CNTN3: variants seen among roughly 807,000 people sequenced by gnomAD.
CNTN3 encodes contactin-3.
A neutral mutation model predicts 119.1 loss-of-function variants in CNTN3; 60 were observed. The observed-to-expected ratio is 0.50, with a 90% CI of 0.41 to 0.62. The LOEUF is 0.62. Among genes scored for constraint, CNTN3 ranks in the 20% least tolerant of loss-of-function variants. CNTN3 has a pLI of 0.00. For missense variants in CNTN3, 1,101 were observed against 1,242.4 expected (o/e 0.89, Z 1.71); for synonymous variants, 450 against 438.7 (o/e 1.03, Z -0.32).
chr3:74,370,891 T>C (rs1019528221), intron 6 of CNTN3, among the ~76,000 whole-genome samples: 2 of 152,032 alleles, frequency 1.3e-5, no homozygotes, highest in Non-Finnish European at 2.9e-5. Flanking sequence ...CTCAGAAGGG[T>C]CTCATGCTTG....
At chr3:74,518,141 T>C (rs925917691) in intron 2 of CNTN3, among the ~76,000 whole-genome samples, 1 of 151,960 alleles carries the variant, frequency 6.6e-6, no homozygotes. Flanking sequence ...TTGCAATATA[T>C]TTTTTAAGTT....
intron 4 of CNTN3, among the ~76,000 whole-genome samples, chr3:74,461,138 T>A (rs1702360089): frequency 6.6e-6 from 1 of 151,944 alleles, no homozygotes; most frequent in African/African-American, 2.4e-5. Flanking sequence ...GCTGATATGA[T>A]GTGTTATATT....
intron 1 of CNTN3, among the ~76,000 whole-genome samples, chr3:74,599,547 A>G (rs1036417263): frequency 1.3e-5 from 2 of 152,068 alleles, no homozygotes; most frequent in African/African-American, 4.8e-5. Context: ...AGCATGCCAC[A>G]TGTAGATCCC....
chr3:74,496,747 A>G (rs1172581839), intron 3 of CNTN3, among the ~76,000 whole-genome samples: 1 of 152,098 alleles, frequency 6.6e-6, no homozygotes, highest in East Asian at 1.9e-4. Context: ...GAGATTGAAT[A>G]CTAATTAACC....
intron 1 of CNTN3, among the ~76,000 whole-genome samples, chr3:74,562,030 G>T (rs1280665112): frequency 6.6e-6 from 1 of 152,132 alleles, no homozygotes; most frequent in Non-Finnish European, 1.5e-5. Context: ...TACGAAGTAT[G>T]CTGTTCTCCC....
intron 1 of CNTN3, among the ~76,000 whole-genome samples, chr3:74,546,678 T>C (rs981764548): frequency 6.6e-6 from 1 of 152,188 alleles, no homozygotes; most frequent in Non-Finnish European, 1.5e-5. Flanking sequence ...GACCACAGAC[T>C]GAAGCCTGCA....
intron 5 of CNTN3, among the ~76,000 whole-genome samples, chr3:74,388,499 C>A (rs1323577975): frequency 6.6e-6 from 1 of 151,804 alleles, no homozygotes; most frequent in Non-Finnish European, 1.5e-5. Context: ...AAAACACAAA[C>A]ATAGAAAATA....
At chr3:74,374,017 G>A (rs1230059865) in intron 5 of CNTN3, among the ~76,000 whole-genome samples, 1 of 152,090 alleles carries the variant, frequency 6.6e-6, no homozygotes, top group Non-Finnish European at 1.5e-5. Context: ...GGAGCACTGT[G>A]GCCACACACC....
At chr3:74,351,621 T>C (rs1224235401) in intron 11 of CNTN3, among the ~76,000 whole-genome samples, 1 of 152,210 alleles carries the variant, frequency 6.6e-6, no homozygotes, top group Non-Finnish European at 1.5e-5. Context: ...GCATCGCAAT[T>C]CCTATACTGC....
intron 5 of CNTN3, among the ~76,000 whole-genome samples, chr3:74,401,255 T>C (rs1025141637): frequency 2.6e-5 from 4 of 152,170 alleles, no homozygotes; most frequent in African/African-American, 2.4e-5. Context: ...ACTCACAAGA[T>C]GAGATTTTTT....
At chr3:74,270,883 TAAA>T (rs1194287317) in intron 20 of CNTN3, among the ~76,000 whole-genome samples, 2 of 152,168 alleles carry the variant, frequency 1.3e-5, no homozygotes. Context: ...AAAAAACTGG[TAAA>T]AAACTAATCC....
chr3:74,472,682 A>G (rs1330861781), intron 4 of CNTN3, among the ~76,000 whole-genome samples: 1 of 152,202 alleles, frequency 6.6e-6, no homozygotes, highest in African/African-American at 2.4e-5. Flanking sequence ...GTGCTTGACT[A>G]AAAAGCTTTG....
chr3:74,532,148 C>T (rs567110555), intron 1 of CNTN3, among the ~76,000 whole-genome samples: 1 of 151,890 alleles, frequency 6.6e-6, no homozygotes, highest in African/African-American at 2.4e-5. Context: ...GGATCAGCCA[C>T]ATAGTGGTGG....
At chr3:74,408,607 T>C (rs1277520009) in intron 5 of CNTN3, among the ~76,000 whole-genome samples, 1 of 152,142 alleles carries the variant, frequency 6.6e-6, no homozygotes, top group Admixed American at 6.6e-5. Context: ...TTCTCAACTA[T>C]ATGCATTCAC....
At chr3:74,333,083 T>C (rs1410803315) in intron 13 of CNTN3, among the ~76,000 whole-genome samples, 1 of 152,250 alleles carries the variant, frequency 6.6e-6, no homozygotes, top group Non-Finnish European at 1.5e-5. Flanking sequence ...TAAAAGATTT[T>C]AGCAATTGGT....
intron 5 of CNTN3, among the ~76,000 whole-genome samples, chr3:74,418,101 G>A (rs1231284950): frequency 1.3e-5 from 2 of 152,124 alleles, no homozygotes; most frequent in Admixed American, 1.3e-4. Flanking sequence ...CTCCTTTAGG[G>A]AAGGTGGAAA....
chr3:74,356,362 T>G (rs1293311179), intron 11 of CNTN3, among the ~76,000 whole-genome samples: 2 of 152,098 alleles, frequency 1.3e-5, no homozygotes, highest in Non-Finnish European at 2.9e-5. Context: ...TATTCTTTCT[T>G]CCTGGAATAC....
intron 5 of CNTN3, among the ~76,000 whole-genome samples, chr3:74,386,876 C>CCTG (rs1369695664): frequency 6.6e-6 from 1 of 152,138 alleles, no homozygotes; most frequent in African/African-American, 2.4e-5. Flanking sequence ...CAGAGGGTAT[C>CCTG]CTGCAAAGGA....
chr3:74,371,534 A>G, intron 5 of CNTN3, 135 bp from the exon 6 acceptor site: 1 of 640,886 alleles, frequency 1.6e-6, no homozygotes, highest in Non-Finnish European at 2.7e-6. Context: ...CCATGAAGAG[A>G]AGCAGTTAAG....
Sources: allele counts gnomAD v4.1 joint callset (sites outside exome capture counted in the v4.1 genomes callset), GRCh38; gene constraint gnomAD v4.1.1; transcripts MANE v1.5; gene names NCBI Gene and HGNC (gene_info 2026-07-23, HGNC 2026-07-21).